The following CTDSP1 variants were observed in gnomAD, a reference collection of about 807,000 sequenced individuals.
The protein encoded by CTDSP1 is carboxy-terminal domain RNA polymerase II polypeptide A small phosphatase 1.
A neutral mutation model predicts 32.5 loss-of-function variants in CTDSP1; 15 were observed. The ratio of observed to expected loss-of-function variants is 0.46; its 90% CI spans 0.31 to 0.71. The LOEUF is 0.71. Among genes scored for constraint, CTDSP1 ranks in the 30% least tolerant of loss-of-function variants. CTDSP1 has a pLI of 0.05. For missense variants in CTDSP1, 294 were observed against 351.1 expected (o/e 0.84, Z 1.30); for synonymous variants, 185 against 145.4 (o/e 1.27, Z -1.96).
intron 4 of CTDSP1, 24 bp from the exon 5 acceptor site, chr2:218,403,011 C>A (rs1401252984): frequency 6.3e-7 from 1 of 1,590,846 alleles, no homozygotes; most frequent in East Asian, 2.2e-5. Context: ...TGGCCCGCAG[C>A]CCCCTCACTG....
Position 218,400,034 on chromosome 2 carries a change from G to A in CTDSP1, c.-57G>A, listed in dbSNP as rs549174201. On this transcript the variant is annotated 5_prime_UTR_variant, in exon 1 of 7. Coordinates refer to ENST00000273062, the MANE Select transcript of CTDSP1 (RefSeq NM_021198.3). ...CGCGCCCCGATTCCGGCCCCAGCCG[G>A]GGGGGAGGCCGGGCGCCCGGGCCAG... is the stretch of plus-strand genomic sequence containing the variant. The A allele has an allele frequency of 1.7e-5, 22 of 1,314,796 alleles. No homozygotes were observed. Among genetic ancestry groups the A allele is most frequent in the African/African-American group, 7.9e-5 (5 of 63,356 alleles). 81.4% of individuals were successfully genotyped at this position (1,314,796 alleles called of 1,614,324 possible).
intron 1 of CTDSP1, chr2:218,400,715 C>T (rs1253898268): frequency 2.2e-6 from 1 of 455,754 alleles, no homozygotes; most frequent in African/African-American, 2.0e-5. Context: ...GAGAGGACGG[C>T]CGGCACTTCC....
upstream of CTDSP1, chr2:218,398,571 T>C: frequency 2.3e-6 from 2 of 857,878 alleles, no homozygotes; most frequent in South Asian, 2.1e-5. Flanking sequence ...TCCCCTCCCT[T>C]CCCCTCCCGG....
At chr2:218,397,957 G>A (rs1054024254), upstream of CTDSP1, among the ~76,000 whole-genome samples, 3 of 152,248 alleles carry the variant, frequency 2.0e-5, no homozygotes, top group Admixed American at 6.5e-5. Flanking sequence ...GGTGGAGGAG[G>A]TGGGGGATTC....
chr2:218,398,310 T>C (rs1365603755), upstream of CTDSP1: 1 of 1,084,972 alleles, frequency 9.2e-7, no homozygotes, highest in African/African-American at 1.6e-5. Flanking sequence ...TGAAATGGGT[T>C]AAGAAGGAGG....
At chr2:218,402,974 C>G in intron 4 of CTDSP1, 61 bp from the exon 5 acceptor site, 1 of 1,286,770 alleles carries the variant, frequency 7.8e-7, no homozygotes, top group South Asian at 1.2e-5. Flanking sequence ...GCCCTGCCAG[C>G]CCTCGGCCAC....
chr2:218,400,366 C>G, intron 1 of CTDSP1: 1 of 678,564 alleles, frequency 1.5e-6, no homozygotes. Context: ...TTGGGGCGCT[C>G]CTGTTCGCTC....
chr2:218,399,887 G>A lies in CTDSP1; in HGVS notation c.-204G>A. On this transcript the variant is annotated 5_prime_UTR_variant, in exon 1 of 7. Transcript: ENST00000273062. ...ATGTTTGCATCCGCCTCGCGGGAAG[G>A]AAACTCCATGTTGTAACAAAGTTTC... 1.6e-6 allele frequency: 2 copies of A among 1,247,488 alleles called. No individual in the cohort carries two copies. The highest frequency in any genetic ancestry group is 2.0e-6 in the Non-Finnish European group (2 of 995,974). The allele number at this position is 1,247,488 out of a possible 1,614,324, so 77.3% of individuals were successfully genotyped here.
intron 6 of CTDSP1, 121 bp from the exon 7 acceptor site, chr2:218,404,176 C>A (rs746290805): frequency 8.0e-7 from 1 of 1,242,920 alleles, no homozygotes; most frequent in Non-Finnish European, 1.1e-6. Context: ...AAAGTTTGAA[C>A]ACTGTGGGTG....
At position 218,402,353 on chromosome 2, in the gene CTDSP1, T is replaced by A; in HGVS notation, c.326T>A (p.Val109Glu). Residue 109 changes from valine (V) to glutamate (E), a missense_variant, in exon 4 of 7, where the codon GTG becomes GAG. Transcript: ENST00000273062. ...ETLVHSSFKP[V>E]NNADFIIPVE... ...GCAGCTCTTTTCCCCCCACAGCCAG[T>A]GAACAACGCGGACTTCATCATCCCT... The A allele has an allele frequency of 1.2e-6, 2 of 1,613,860 alleles. No homozygotes were observed. Among genetic ancestry groups the A allele is most frequent in the Non-Finnish European group, 1.7e-6 (2 of 1,179,956 alleles).
intron 1 of CTDSP1, 80 bp from the exon 2 acceptor site, chr2:218,401,484 G>C (rs1242804656): frequency 1.3e-6 from 2 of 1,524,186 alleles, no homozygotes; most frequent in Non-Finnish European, 1.8e-6. Flanking sequence ...TCCTGGCTCA[G>C]GGGTTCACAC....
rs1697179851 is a variant in CTDSP1 at position 218,402,203 on chromosome 2, C to T, written c.309C>T (p.His103=). The T allele has an allele frequency of 6.2e-7, 1 of 1,613,508 alleles. No individual in the cohort carries two copies. Among genetic ancestry groups the T allele is most frequent in the African/African-American group, 1.3e-5 (1 of 74,926 alleles). The stretch of plus-strand genomic sequence containing the variant: ...TCGACCTGGACGAGACCCTGGTGCA[C>T]AGCTCCTTCAAGGTGGGCCCTGCTC... ...VVIDLDETLV[H]SSFKPVNNAD... The change falls in exon 3 of 7, where the codon CAC becomes CAT. Residue 103 remains histidine (H), a synonymous_variant. Transcript: ENST00000273062.
intron 3 of CTDSP1, 51 bp from the exon 4 acceptor site, chr2:218,402,298 C>T (rs766465594): frequency 5.6e-6 from 9 of 1,612,918 alleles, no homozygotes; most frequent in Non-Finnish European, 7.6e-6. Context: ...GTGCTGGACC[C>T]CATGCCCTGG....
chr2:218,398,867 T>G (rs948911299), upstream of CTDSP1: 5 of 155,406 alleles, frequency 3.2e-5, no homozygotes, highest in African/African-American at 1.2e-4. Context: ...CGGAGGGGCT[T>G]GCAGCGAGAA....
chr2:218,401,809 G>A, intron 2 of CTDSP1, 97 bp downstream of exon 2: 2 of 1,232,528 alleles, frequency 1.6e-6, no homozygotes, highest in Admixed American at 2.9e-5. Context: ...GGATGGACTT[G>A]CAGACCTGAA....
chr2:218,403,425 C>T lies in CTDSP1; in HGVS notation c.657+8C>T, dbSNP rs745425430. On this transcript the variant is annotated splice_region_variant and intron_variant, in intron 6 of 6. Transcript: ENST00000273062. ...TTCCATCCAGACAATGCTGTGAGTGCGGGCTGGACTGGGACTGGGACAGGA... is the reference window on the plus strand; with the variant it reads ...TTCCATCCAGACAATGCTGTGAGTGTGGGCTGGACTGGGACTGGGACAGGA... The T allele has an allele frequency of 3.1e-5, 49 of 1,578,830 alleles. No homozygotes were observed. Among genetic ancestry groups the T allele is most frequent in the Admixed American group, 1.4e-4 (8 of 58,070 alleles).
At position 218,402,212 on chromosome 2, in the gene CTDSP1, C is replaced by A; in HGVS notation, c.318C>A (p.Phe106Leu). Reference protein sequence around the residue: ...DLDETLVHSSFKPVNNADFII... With the variant: ...DLDETLVHSSLKPVNNADFII... The stretch of plus-strand genomic sequence containing the variant: ...ACGAGACCCTGGTGCACAGCTCCTT[C>A]AAGGTGGGCCCTGCTCAACAGCCCT... Residue 106 changes from phenylalanine to leucine, a missense_variant, in exon 3 of 7, where the codon TTC becomes TTA. Coordinates refer to ENST00000273062, the MANE Select transcript of CTDSP1 (RefSeq NM_021198.3). The A allele has an allele frequency of 6.2e-7, 1 of 1,613,492 alleles. No homozygotes were observed. Among genetic ancestry groups the A allele is most frequent in the Non-Finnish European group, 8.5e-7 (1 of 1,179,702 alleles).
At chr2:218,400,864 C>G (rs978305770) in intron 1 of CTDSP1, 1 of 456,298 alleles carries the variant, frequency 2.2e-6, no homozygotes, top group Non-Finnish European at 4.4e-6. Flanking sequence ...TCCTTTTCCC[C>G]GTGTGGACCT....
Position 218,402,120 on chromosome 2 carries a change from G to C in CTDSP1, c.226G>C (p.Val76Leu). 6.2e-7 allele frequency: 1 copy of C among 1,612,678 alleles called. No individual in the cohort carries two copies. Among genetic ancestry groups the C allele is most frequent in the Non-Finnish European group, 8.5e-7 (1 of 1,179,404 alleles). ...CCCGCCCTCCCTACAGCAGACCCCAGTCCAATACCTGCTCCCTGAGGCCAA... is the reference window on the plus strand; with the variant it reads ...CCCGCCCTCCCTACAGCAGACCCCACTCCAATACCTGCTCCCTGAGGCCAA... ...ENGAIPKQTP[V>L]QYLLPEAKAQ... Residue 76 changes from valine to leucine, a missense_variant, in exon 3 of 7, where the codon GTC becomes CTC. Physicochemically the swap from Val to Leu is conservative, Grantham distance 32. This residue lies in a region of CTDSP1 where 148 missense variants were observed against 113.3 expected (regional missense o/e 1.31). Coordinates refer to ENST00000273062, the MANE Select transcript of CTDSP1 (RefSeq NM_021198.3).
Sources: allele counts gnomAD v4.1 joint callset (sites outside exome capture counted in the v4.1 genomes callset), GRCh38; gene constraint gnomAD v4.1.1; regional missense constraint gnomAD v4.1.1; transcripts MANE v1.5; gene names NCBI Gene and HGNC (gene_info 2026-07-23, HGNC 2026-07-21).